Variants in RYR2 observed in about 807,000 individuals in gnomAD.
The protein encoded by RYR2 is ryanodine receptor 2.
A neutral mutation model predicts 601.1 loss-of-function variants in RYR2; 227 were observed. That is an observed-to-expected ratio of 0.38 (90% CI 0.34 to 0.42). RYR2 has a LOEUF of 0.42. Among genes scored for constraint, RYR2 ranks in the 10% least tolerant of loss-of-function variants. The pLI is 1.00. For synonymous variants in RYR2, 2,223 were observed against 2,175.1 expected (o/e 1.02, Z -0.61); for missense variants, 4,646 against 6,156.5 (o/e 0.75, Z 8.21).
At chr1:237,171,865 T>G (rs1558363163) in intron 1 of RYR2, among the ~76,000 whole-genome samples, 1 of 152,216 alleles carries the variant, frequency 6.6e-6, no homozygotes, top group Non-Finnish European at 1.5e-5. Context: ...AAGGAGGTTT[T>G]CAATGGGAAT....
chr1:237,093,628 G>A (rs984488030), intron 1 of RYR2, among the ~76,000 whole-genome samples: 1 of 152,164 alleles, frequency 6.6e-6, no homozygotes, highest in Non-Finnish European at 1.5e-5. Context: ...ATCAGCCCTG[G>A]ATGGAGGTGG....
intron 1 of RYR2, among the ~76,000 whole-genome samples, chr1:237,116,727 T>C (rs926003604): frequency 5.3e-5 from 8 of 152,000 alleles, no homozygotes; most frequent in African/African-American, 1.9e-4. Flanking sequence ...GAGCTGATAG[T>C]GTAAATCCCA....
intron 24 of RYR2, among the ~76,000 whole-genome samples, chr1:237,524,154 G>A (rs1371202074): frequency 6.6e-6 from 1 of 152,156 alleles, no homozygotes. Flanking sequence ...ACTGGAAACT[G>A]TGCAAATGTT....
At position 237,614,221 on chromosome 1, in the gene RYR2, T is replaced by C; in HGVS notation, c.5093T>C (p.Leu1698Pro). The change falls in exon 37 of 105, where the codon CTG becomes CCG. Residue 1698 changes from leucine to proline, a missense_variant. By Grantham distance (98) the Leu-to-Pro change is moderately conservative (BLOSUM62 -3). Transcript: ENST00000366574. The surrounding 1 kb of genome is among the most constrained non-coding windows in gnomAD (Gnocchi z 4.3). ...AIENKYMPGL[L>P]RAGYYDLLID... ...GAGAACAAGTACATGCCTGGTTTGC[T>C]GCGTGCTGGCTACTATGACCTGCTG... 6.2e-7 allele frequency: 1 copy of C among 1,614,068 alleles called. No individual in the cohort carries two copies.
At chr1:237,073,059 C>A (rs1664581890) in intron 1 of RYR2, among the ~76,000 whole-genome samples, 1 of 151,866 alleles carries the variant, frequency 6.6e-6, no homozygotes, top group South Asian at 2.1e-4. Context: ...GCACGCTGAA[C>A]TAGACACTTA....
At chr1:237,096,484 A>G (rs891651066) in intron 1 of RYR2, among the ~76,000 whole-genome samples, 2 of 152,236 alleles carry the variant, frequency 1.3e-5, no homozygotes, top group African/African-American at 4.8e-5. Flanking sequence ...CTTTGAGTAC[A>G]CAGGACCACA....
At chr1:237,171,476 G>A (rs1011762138) in intron 1 of RYR2, among the ~76,000 whole-genome samples, 6 of 151,996 alleles carry the variant, frequency 3.9e-5, no homozygotes, top group Admixed American at 1.3e-4. Flanking sequence ...TATGAATAAC[G>A]GAATCAGAAT....
chr1:237,157,155 G>C (rs1196584623), intron 1 of RYR2, among the ~76,000 whole-genome samples: 1 of 151,910 alleles, frequency 6.6e-6, no homozygotes, highest in African/African-American at 2.4e-5. Context: ...AATTAGTTGG[G>C]TGTGGTGGTG....
At chr1:237,159,117 A>G (rs1427398383) in intron 1 of RYR2, among the ~76,000 whole-genome samples, 6 of 151,912 alleles carry the variant, frequency 3.9e-5, no homozygotes, top group Non-Finnish European at 2.9e-5. Context: ...ACATGAAGAA[A>G]CCTGTCTCTA....
intron 94 of RYR2, among the ~76,000 whole-genome samples, chr1:237,792,634 G>A (rs1658596599): frequency 6.6e-6 from 1 of 152,122 alleles, no homozygotes; most frequent in African/African-American, 2.4e-5. Flanking sequence ...TGGGGCATTG[G>A]AGCCTGGCCT....
intron 1 of RYR2, among the ~76,000 whole-genome samples, chr1:237,193,214 A>G (rs996613118): frequency 6.9e-6 from 1 of 145,060 alleles, no homozygotes; most frequent in Non-Finnish European, 1.5e-5. Context: ...GTCTGTAATC[A>G]CAGCACTTTG....
chr1:237,181,700 G>A (rs893937214), intron 1 of RYR2, among the ~76,000 whole-genome samples: 3 of 152,170 alleles, frequency 2.0e-5, no homozygotes, highest in African/African-American at 7.2e-5. Flanking sequence ...GCTGCACAAT[G>A]GCTGCTGAGT....
At chr1:237,321,942 A>C (rs1315028546) in intron 2 of RYR2, among the ~76,000 whole-genome samples, 1 of 152,180 alleles carries the variant, frequency 6.6e-6, no homozygotes, top group African/African-American at 2.4e-5. Flanking sequence ...AAGTACCTAT[A>C]AGGAAGTGGA....
At chr1:237,254,963 T>C (rs537550454) in intron 1 of RYR2, among the ~76,000 whole-genome samples, 33 of 152,312 alleles carry the variant, frequency 2.2e-4, no homozygotes, top group African/African-American at 7.9e-4. Flanking sequence ...TATGTGCTAA[T>C]GGGAACACTC....
intron 63 of RYR2, among the ~76,000 whole-genome samples, chr1:237,691,980 T>G (rs574453574): frequency 6.6e-6 from 1 of 152,322 alleles, no homozygotes; most frequent in African/African-American, 2.4e-5. Context: ...CTAGAAATTC[T>G]GATTACTATT....
chr1:237,798,289 G>A (rs1659517630), intron 97 of RYR2, 119 bp downstream of exon 97: 3 of 887,628 alleles, frequency 3.4e-6, no homozygotes, highest in Non-Finnish European at 4.9e-6. Context: ...GATAGATGAG[G>A]AAAACAGAAA....
chr1:237,285,665 G>A (rs757712406), intron 2 of RYR2, among the ~76,000 whole-genome samples: 1 of 152,028 alleles, frequency 6.6e-6, no homozygotes, highest in African/African-American at 2.4e-5. Context: ...GGACATTTTT[G>A]TTGTTGGTAA....
intron 58 of RYR2, among the ~76,000 whole-genome samples, chr1:237,668,202 C>T (rs1249866953): frequency 6.6e-6 from 1 of 152,146 alleles, no homozygotes; most frequent in African/African-American, 2.4e-5. Context: ...TTCTGTACTT[C>T]TCATCCTGAT....
chr1:237,190,969 G>A (rs1346087561), intron 1 of RYR2, among the ~76,000 whole-genome samples: 13 of 152,134 alleles, frequency 8.5e-5, no homozygotes, highest in African/African-American at 3.1e-4. Context: ...TTTTGGTGTC[G>A]TATCCAAGAA....
Sources: allele counts gnomAD v4.1 joint callset (sites outside exome capture counted in the v4.1 genomes callset), GRCh38; gene constraint gnomAD v4.1.1; non-coding constraint Gnocchi (gnomAD v3.1); transcripts MANE v1.5; gene names NCBI Gene and HGNC (gene_info 2026-07-23, HGNC 2026-07-21).